The following NAP1L1 variants were observed in gnomAD, a reference collection of about 807,000 sequenced individuals.
NAP1L1 encodes the protein nucleosome assembly protein 1 like 1.
A neutral mutation model predicts 58.9 loss-of-function variants in NAP1L1; 9 were observed. The ratio of observed to expected loss-of-function variants is 0.15; its 90% confidence interval spans 0.09 to 0.27. The LOEUF (loss-of-function observed/expected upper bound fraction) is 0.27, where lower values mean the gene tolerates loss of function less well. Among genes scored for constraint, NAP1L1 ranks in the 10% least tolerant of loss-of-function variants. The probability of loss-of-function intolerance (pLI) is 1.00; values close to 1 mark genes in which losing one functional copy is unlikely to be tolerated. For missense variants in NAP1L1, 302 were observed against 458.8 expected, an observed-to-expected ratio of 0.66 and a Z score of 3.12; for synonymous variants, 130 against 138.3, an observed-to-expected ratio of 0.94 and a Z score of 0.42.
chr12:76,049,282 T>C (rs749196093), intron 13 of NAP1L1, 32 bp from the exon 14 acceptor site: 1 of 1,613,040 alleles, frequency 6.2e-7, no homozygotes, highest in Non-Finnish European at 8.5e-7. Flanking sequence ...ATCCATGAAG[T>C]ATGTACATAG....
Position 76,050,520 on chromosome 12 carries a change from A to C in NAP1L1, c.1059+11T>G, listed in dbSNP as rs977689020. 7 of 1,598,920 alleles carry C rather than the reference A, an allele frequency of 4.4e-6. No individual in the cohort carries two copies. Among genetic ancestry groups the C allele is most frequent in the Non-Finnish European group, 1.7e-6 (2 of 1,175,500 alleles). The stretch of plus-strand genomic sequence containing the variant: ...ACCAATTATTTCTTTGCAGGATTCA[A>C]ATTCGCTTACATCATCATCATCATC... On this transcript the variant is annotated intron_variant, in intron 12 of 14. Transcript: ENST00000618691.
chr12:76,056,481 A>C, intron 6 of NAP1L1: 1 of 365,046 alleles, frequency 2.7e-6, no homozygotes, highest in South Asian at 2.1e-5. Flanking sequence ...AATTTGGTCC[A>C]TTGCCTCACC....
At chr12:76,079,797 C>T (rs567396110) in intron 1 of NAP1L1, among the ~76,000 whole-genome samples, 1 of 152,016 alleles carries the variant, frequency 6.6e-6, no homozygotes, top group South Asian at 2.1e-4. Flanking sequence ...GATCCTCTCA[C>T]CTCAGCCTCC....
chr12:76,078,177 A>C (rs77894117), intron 1 of NAP1L1, among the ~76,000 whole-genome samples: 2,205 of 152,102 alleles, frequency 0.014, 41 homozygotes, highest in African/African-American at 0.051. Context: ...AGCAACGTGA[A>C]CTTTGGTTTT....
At chr12:76,052,633 C>CCTCA (rs1948896910) in intron 11 of NAP1L1, among the ~76,000 whole-genome samples, 1 of 152,166 alleles carries the variant, frequency 6.6e-6, no homozygotes, top group African/African-American at 2.4e-5. Context: ...TAAGGTTGTT[C>CCTCA]CTCAGTTCAG....
At chr12:76,078,992 T>TACACACACAC (rs753522753) in intron 1 of NAP1L1, among the ~76,000 whole-genome samples, 96 of 149,484 alleles carry the variant, frequency 6.4e-4, no homozygotes, top group African/African-American at 2.3e-3. Flanking sequence ...CATATATATA[T>TACACACACAC]ATACACACAC....
At position 76,038,038 on chromosome 12, in the gene NAP1L1, A is replaced by G. The variant is rs1214291202; in HGVS notation, c.*10391T>C. 6 of 152,214 alleles carry G rather than the reference A, an allele frequency of 3.9e-5. No individual in the cohort carries two copies. The highest frequency in any genetic ancestry group is 1.3e-4 in the Admixed American group (2 of 15,276). 9.4% of individuals were successfully genotyped at this position (152,214 alleles called of 1,614,324 possible). The stretch of plus-strand genomic sequence containing the variant: ...TTATGGTAATATTAGCTTTGAAGTG[A>G]CAAACGAAAATATGGAACTGGATGA... On this transcript the variant is annotated 3_prime_UTR_variant, in exon 15 of 15. Transcript: ENST00000618691.
intron 8 of NAP1L1, 103 bp downstream of exon 8, chr12:76,054,916 C>T (rs1949010148): frequency 1.4e-6 from 1 of 708,544 alleles, no homozygotes; most frequent in Non-Finnish European, 2.2e-6. Flanking sequence ...TTCACTATAA[C>T]AAAGAGCACC....
At position 76,055,977 on chromosome 12, in the gene NAP1L1, T is replaced by C. The variant is rs967079053; in HGVS notation, c.558+56A>G. 4 of 1,573,350 alleles carry C rather than the reference T, an allele frequency of 2.5e-6. No individual in the cohort carries two copies. In the African/African-American group the frequency reaches 5.5e-5, roughly 21 times the overall value. On this transcript the variant is annotated intron_variant, in intron 7 of 14. Coordinates refer to ENST00000618691, the MANE Select transcript of NAP1L1 (RefSeq NM_004537.7). ...GAAGAGAACAGTGATCACAGCCATT[T>C]AAACTTCAAAGGTTTACCCTTCAAA...
intron 2 of NAP1L1, 89 bp downstream of exon 2, chr12:76,074,114 A>T (rs1950085912): frequency 8.7e-7 from 1 of 1,143,652 alleles, no homozygotes; most frequent in Non-Finnish European, 1.3e-6. Flanking sequence ...CTACATTTTC[A>T]TAATATATAA....
rs1871065910 is a variant in NAP1L1 at position 76,037,185 on chromosome 12, A to AAG, written c.*11242_*11243dup. The AAG allele has an allele frequency of 6.6e-6, 1 of 152,218 alleles. No homozygotes were observed. The highest frequency in any genetic ancestry group is 1.5e-5 in the Non-Finnish European group (1 of 68,040). 9.4% of individuals were successfully genotyped at this position (152,218 alleles called of 1,614,324 possible). A position where few individuals can be genotyped will look rare whatever the true frequency, so the allele number is the denominator to read the frequency against. On this transcript the variant is annotated 3_prime_UTR_variant, in exon 15 of 15. Coordinates refer to ENST00000618691, the MANE Select transcript of NAP1L1 (RefSeq NM_004537.7). The stretch of plus-strand genomic sequence containing the variant: ...AAATATTCTAGATTCTAGTTTCCAA[A>AAG]AGTCCTTGAGTTGAAAACGTTAAGT...
At chr12:76,083,928 C>T (rs959939948) in intron 1 of NAP1L1, 1 of 152,230 alleles carries the variant, frequency 6.6e-6, no homozygotes, top group Admixed American at 6.5e-5. Context: ...GGCCATGAAG[C>T]CCATTACCAC....
chr12:76,057,991 C>CCT, intron 6 of NAP1L1: 1 of 846,512 alleles, frequency 1.2e-6, no homozygotes, highest in Non-Finnish European at 2.1e-6. Context: ...CAAAAATTCT[C>CCT]CTGTGGTGCC....
intron 1 of NAP1L1, among the ~76,000 whole-genome samples, chr12:76,078,608 C>G (rs2137108592): frequency 6.6e-6 from 1 of 152,258 alleles, no homozygotes; most frequent in Non-Finnish European, 1.5e-5. Context: ...AGGAAGTCAT[C>G]TATTAAAGGT....
At position 76,055,066 on chromosome 12, in the gene NAP1L1, G is replaced by A; in HGVS notation, c.583C>T (p.His195Tyr). The change falls in exon 8 of 15, where the codon CAC becomes TAC. Residue 195 changes from histidine to tyrosine, a missense_variant. By Grantham distance (83) the His-to-Tyr change is moderately conservative (BLOSUM62 2). Transcript: ENST00000618691. Reference protein sequence around the residue: ...VQEHDEPILKHLKDIKVKFSD... With the variant: ...VQEHDEPILKYLKDIKVKFSD... ...AACTTCACTTTAATATCTTTCAAGT[G>A]CTTCAGAATAGGTTCATCGTGTTCC... 1.2e-6 allele frequency: 2 copies of A among 1,603,774 alleles called. No individual in the cohort carries two copies. The highest frequency in any genetic ancestry group is 1.7e-6 in the Non-Finnish European group (2 of 1,176,254).
Position 76,061,234 on chromosome 12 carries a change from T to G in NAP1L1, c.207-955A>C, listed in dbSNP as rs150493914. 1.0e-3 allele frequency: 186 copies of G among 179,178 alleles called. 1 individual carries two copies. Among genetic ancestry groups the G allele is most frequent in the African/African-American group, 4.1e-3 (172 of 42,028 alleles). The allele number at this position is 179,178 out of a possible 1,614,324, so 11.1% of individuals were successfully genotyped here. A position where few individuals can be genotyped will look rare whatever the true frequency, so the allele number is the denominator to read the frequency against. ...TACAGATTATTTTATCACCCAAGTA[T>G]TAAGCCCAGTACCCAATACTTAATT... On this transcript the variant is annotated intron_variant, in intron 4 of 14. Transcript: ENST00000618691.
chr12:76,041,930 A>G lies in NAP1L1; in HGVS notation c.*6499T>C, dbSNP rs1163758742. On this transcript the variant is annotated 3_prime_UTR_variant, in exon 15 of 15. Coordinates refer to ENST00000618691, the MANE Select transcript of NAP1L1 (RefSeq NM_004537.7). Reference sequence around the variant, plus strand: ...GATACCTCATTTCGTTTTACCCTAGATCATTTCTGGGTTCTGCCAAAGGCC... The same window carrying G: ...GATACCTCATTTCGTTTTACCCTAGGTCATTTCTGGGTTCTGCCAAAGGCC... The G allele has an allele frequency of 2.0e-5, 3 of 152,200 alleles. No individual in the cohort carries two copies. Among genetic ancestry groups the G allele is most frequent in the Non-Finnish European group, 4.4e-5 (3 of 68,042 alleles). The allele number at this position is 152,200 out of a possible 1,614,324, so 9.4% of individuals were successfully genotyped here. A position where few individuals can be genotyped will look rare whatever the true frequency, so the allele number is the denominator to read the frequency against.
chr12:76,067,244 C>T, intron 4 of NAP1L1, 127 bp downstream of exon 4: 2 of 660,582 alleles, frequency 3.0e-6, no homozygotes, highest in Non-Finnish European at 5.1e-6. Context: ...TCTAATAATC[C>T]TATACTGGAT....
At chr12:76,080,645 GGAA>G (rs1592710807) in intron 1 of NAP1L1, among the ~76,000 whole-genome samples, 2 of 152,142 alleles carry the variant, frequency 1.3e-5, no homozygotes, top group Non-Finnish European at 2.9e-5. Context: ...ATTCTATGCT[GGAA>G]GAAGACTTCA....
Sources: gnomAD v4.1 joint callset for allele counts (sites outside exome capture counted in the v4.1 genomes callset) on GRCh38, gnomAD v4.1.1 for gene constraint, MANE v1.5 for transcripts, NCBI Gene and HGNC (gene_info 2026-07-23, HGNC 2026-07-21) for gene names.